Variants in NCOA5 observed in about 807,000 individuals in gnomAD.
NCOA5 encodes the protein NCoA-5.
NCOA5 carries 12 observed loss-of-function variants against 59.0 expected under a neutral mutation model. The ratio of observed to expected loss-of-function variants is 0.20; its 90% CI spans 0.13 to 0.33. NCOA5 has a LOEUF of 0.33. NCOA5 is among the 10% of genes least tolerant of loss of function. NCOA5 has a pLI of 1.00. For synonymous variants in NCOA5, 270 were observed against 275.5 expected, an observed-to-expected ratio of 0.98 and a Z score of 0.20; for missense variants, 655 against 766.6, an observed-to-expected ratio of 0.85 and a Z score of 1.72.
intron 1 of NCOA5, among the ~76,000 whole-genome samples, chr20:46,083,968 T>A (rs959130868): frequency 6.6e-6 from 1 of 152,232 alleles, no homozygotes; most frequent in Non-Finnish European, 1.5e-5. Context: ...TACTATACTT[T>A]CCCTATATAT....
At chr20:46,064,911 G>A in intron 6 of NCOA5, 118 bp downstream of exon 6, 1 of 925,902 alleles carries the variant, frequency 1.1e-6, no homozygotes, top group Non-Finnish European at 1.7e-6. Flanking sequence ...TAAGAGAGGG[G>A]CCCTACCATA....
At chr20:46,080,092 C>T (rs2084976143) in intron 1 of NCOA5, among the ~76,000 whole-genome samples, 1 of 149,566 alleles carries the variant, frequency 6.7e-6, no homozygotes, top group Admixed American at 6.7e-5. Context: ...TAAGGACTGG[C>T]GTTTGGTATA....
At chr20:46,080,072 T>G (rs1420524855) in intron 1 of NCOA5, among the ~76,000 whole-genome samples, 1 of 128,240 alleles carries the variant, frequency 7.8e-6, no homozygotes, top group Non-Finnish European at 1.8e-5. Context: ...CATCTACAGA[T>G]AACCAAGAAT....
chr20:46,067,968 T>C (rs1266736883), intron 4 of NCOA5, among the ~76,000 whole-genome samples: 2 of 152,000 alleles, frequency 1.3e-5, no homozygotes, highest in Non-Finnish European at 2.9e-5. Context: ...TCTCACTCTG[T>C]CACCCAGGCT....
chr20:46,082,556 T>C (rs2085002613), intron 1 of NCOA5, among the ~76,000 whole-genome samples: 1 of 152,216 alleles, frequency 6.6e-6, no homozygotes, highest in African/African-American at 2.4e-5. Flanking sequence ...TCTGGCCAAC[T>C]GCCCTTAAGA....
rs749597859 is a variant in NCOA5, at chr20:46,067,139, C to A, written c.545G>T (p.Arg182Leu). The A allele has an allele frequency of 1.2e-6, 2 of 1,614,100 alleles. No homozygotes were observed. The highest frequency in any genetic ancestry group is 2.2e-5 in the East Asian group (1 of 44,886). Residue 182 changes from arginine to leucine, a missense_variant, in exon 5 of 8, where the codon CGT (arginine) becomes CTT (leucine). By Grantham distance (102) the Arg-to-Leu change is moderately radical. This residue lies in a region of NCOA5 where 250 missense variants were observed against 260.1 expected (regional missense o/e 0.96). Transcript: ENST00000290231. ...REERRREELYRQYFEEIQRRF... is the reference protein window; with the variant it reads ...REERRREELYLQYFEEIQRRF... ...TCTCTGGATTTCCTCAAAATATTGA[C>A]GATAAAGCTCTTCTCTACGCCGTTC... is the stretch of plus-strand genomic sequence containing the variant.
chr20:46,086,616 G>GT (rs919899704), intron 1 of NCOA5, among the ~76,000 whole-genome samples: 2 of 152,160 alleles, frequency 1.3e-5, no homozygotes, highest in Non-Finnish European at 2.9e-5. Context: ...CTTTTTGACA[G>GT]TTTAACTCTG....
At chr20:46,079,534 A>G in intron 1 of NCOA5, 81 bp from the exon 2 acceptor site, 1 of 1,151,448 alleles carries the variant, frequency 8.7e-7, no homozygotes, top group Non-Finnish European at 1.3e-6. Flanking sequence ...GAAAGCAACA[A>G]CAACAAAAAC....
rs1344785153 is a variant in NCOA5 at position 46,063,689 on chromosome 20, G to A, written c.830-9C>T. 6.2e-7 allele frequency: 1 copy of A among 1,609,680 alleles called. No homozygotes were observed. Among genetic ancestry groups the A allele is most frequent in the Non-Finnish European group, 8.5e-7 (1 of 1,177,438 alleles). ...GGGCATGTTGCGATGCTCTGTAGGA[G>A]GAAATGACATGAGTTATTTTCTTCC... On this transcript the variant is annotated splice_polypyrimidine_tract_variant and intron_variant, in intron 6 of 7. Transcript: ENST00000290231.
At chr20:46,067,735 A>G (rs2084839644) in intron 4 of NCOA5, among the ~76,000 whole-genome samples, 1 of 152,166 alleles carries the variant, frequency 6.6e-6, no homozygotes, top group Non-Finnish European at 1.5e-5. Context: ...AAGAACCTTT[A>G]AAGATGTATT....
At position 46,070,276 on chromosome 20, in the gene NCOA5, C is replaced by T. The variant is rs1406752632; in HGVS notation, c.299G>A (p.Arg100Gln). 22 of 1,613,986 alleles carry T rather than the reference C, an allele frequency of 1.4e-5. No homozygotes were observed. The highest frequency in any genetic ancestry group is 4.0e-5 in the African/African-American group (3 of 74,956). ...GTCGTACATGGGGTCTCGCTGATCT[C>T]GAAAATCCCTAGAGTCTCTTAGATC... is the stretch of plus-strand genomic sequence containing the variant. ...FRDLRDSRDF[R>Q]DQRDPMYDRY... The change falls in exon 3 of 8, where the codon CGA becomes CAA. Residue 100 changes from arginine to glutamine, a missense_variant. Coordinates refer to ENST00000290231, the MANE Select transcript of NCOA5 (RefSeq NM_020967.3).
At chr20:46,082,822 C>A (rs1287946893) in intron 1 of NCOA5, among the ~76,000 whole-genome samples, 1 of 152,038 alleles carries the variant, frequency 6.6e-6, no homozygotes, top group Admixed American at 6.6e-5. Context: ...AGAAAACATG[C>A]TGGAAATGGC....
chr20:46,080,976 C>T (rs1012694924), intron 1 of NCOA5, among the ~76,000 whole-genome samples: 26 of 152,002 alleles, frequency 1.7e-4, no homozygotes, highest in Non-Finnish European at 3.4e-4. Context: ...TTCTATTATA[C>T]GTAATTGTGA....
intron 1 of NCOA5, among the ~76,000 whole-genome samples, chr20:46,083,405 C>T (rs571734906): frequency 6.6e-6 from 1 of 152,338 alleles, no homozygotes; most frequent in Non-Finnish European, 1.5e-5. Flanking sequence ...TTCCTCAGCT[C>T]CCTTCTCTGT....
chr20:46,065,258 G>A (rs17450969), intron 5 of NCOA5, 30 bp from the exon 6 acceptor site: 281,077 of 1,608,100 alleles, frequency 0.17, 26,167 homozygotes, highest in South Asian at 0.26. Context: ...CCAGGTGAGC[G>A]ACCAACTCCA....
At chr20:46,063,337 C>T (rs1190378805) in intron 7 of NCOA5, 23 bp downstream of exon 7, 1 of 1,605,300 alleles carries the variant, frequency 6.2e-7, no homozygotes, top group Admixed American at 1.7e-5. Flanking sequence ...AGAACTTCAC[C>T]TCGGCCCTGC....
At chr20:46,063,201 C>A in intron 7 of NCOA5, 159 bp downstream of exon 7, 1 of 683,742 alleles carries the variant, frequency 1.5e-6, no homozygotes, top group Non-Finnish European at 2.4e-6. Flanking sequence ...TTATTATTAA[C>A]ATTATATCAG....
intron 3 of NCOA5, among the ~76,000 whole-genome samples, chr20:46,069,073 A>C (rs2084854461): frequency 6.6e-6 from 1 of 152,040 alleles, no homozygotes; most frequent in South Asian, 2.1e-4. Context: ...CGGCCTCCCA[A>C]AGTGCTGGGA....
chr20:46,062,870 T>A lies in NCOA5; in HGVS notation c.1170A>T (p.Pro390=). The change falls in exon 8 of 8, where the codon CCA becomes CCT. Residue 390 remains proline (P), a synonymous_variant. Transcript: ENST00000290231. ...GCGAGGCACCCGAGGTCGCCCCGAGTGGTTGGCGGGAAATCGGGCCTGGAA... is the reference window on the plus strand; with the variant it reads ...GCGAGGCACCCGAGGTCGCCCCGAGAGGTTGGCGGGAAATCGGGCCTGGAA... The part of the protein sequence containing the change: ...DSLPGPISRQ[P]LGATSGASLK... The A allele has an allele frequency of 6.6e-7, 1 of 1,517,356 alleles. No individual in the cohort carries two copies. Among genetic ancestry groups the A allele is most frequent in the Non-Finnish European group, 8.8e-7 (1 of 1,133,972 alleles). 94.0% of individuals were successfully genotyped at this position (1,517,356 alleles called of 1,614,324 possible).
Sources: gnomAD v4.1 joint callset for allele counts (sites outside exome capture counted in the v4.1 genomes callset) on GRCh38, gnomAD v4.1.1 for gene constraint, gnomAD v4.1.1 regional missense constraint, MANE v1.5 for transcripts, NCBI Gene and HGNC (gene_info 2026-07-23, HGNC 2026-07-21) for gene names.